Variants in TIGIT observed in about 807,000 individuals in gnomAD.
TIGIT encodes the protein T cell immunoreceptor with Ig and ITIM domains.
In TIGIT, 11 loss-of-function variants were observed where a neutral mutation model predicts 19.6. That is an observed-to-expected ratio of 0.56 (90% CI 0.35 to 0.93). The LOEUF is 0.93. Among genes scored for constraint, TIGIT ranks in the 40% least tolerant of loss-of-function variants. The pLI is 0.01. For missense variants in TIGIT, 295 were observed against 303.9 expected, an observed-to-expected ratio of 0.97 and a Z score of 0.22; for synonymous variants, 130 against 125.5, an observed-to-expected ratio of 1.04 and a Z score of -0.24.
chr3:114,309,467 A>T lies in TIGIT; in HGVS notation c.*1336A>T, dbSNP rs1444966733. The stretch of plus-strand genomic sequence containing the variant: ...TGTGAAGCAAGGTTGTGTCTTGCGC[A>T]TGGTTAAAAATAAAGCATTGTCCTG... On this transcript the variant is annotated 3_prime_UTR_variant, in exon 4 of 4. Transcript: ENST00000383671. The T allele has an allele frequency of 2.0e-5, 3 of 152,240 alleles. No individual in the cohort carries two copies. The East Asian group carries it at 5.8e-4, about 29-fold the overall frequency. 9.4% of individuals were successfully genotyped at this position (152,240 alleles called of 1,614,324 possible).
chr3:114,302,771 T>G (rs1485756473), intron 3 of TIGIT, among the ~76,000 whole-genome samples: 1 of 152,224 alleles, frequency 6.6e-6, no homozygotes, highest in Non-Finnish European at 1.5e-5. Flanking sequence ...GGGATATTCT[T>G]TTTCTTTTTC....
intron 3 of TIGIT, among the ~76,000 whole-genome samples, chr3:114,305,238 CATCT>C (rs1400709372): frequency 3.9e-5 from 6 of 152,312 alleles, no homozygotes; most frequent in East Asian, 1.9e-4. Context: ...AGTTTCCATC[CATCT>C]GTGTCCCATC....
At position 114,303,584 on chromosome 3, in the gene TIGIT, T is replaced by TACAC. The variant is rs1560033628; in HGVS notation, c.498+3882_498+3883insCACA. 1.3e-3 allele frequency among the ~76,000 whole-genome samples: 33 copies of TACAC among 25,440 alleles called. 1 individual carries two copies. The highest frequency in any genetic ancestry group is 3.9e-3 in the African/African-American group (32 of 8,264). 16.7% of individuals were successfully genotyped at this position (25,440 alleles called of 152,430 possible). A position where few individuals can be genotyped will look rare whatever the true frequency, so the allele number is the denominator to read the frequency against. On this transcript the variant is annotated intron_variant, in intron 3 of 3. Transcript: ENST00000383671. The stretch of plus-strand genomic sequence containing the variant: ...ATATACATATATATGTATATATATA[T>TACAC]ATACATATATATGTATATATATATA...
intron 3 of TIGIT, among the ~76,000 whole-genome samples, chr3:114,300,943 G>A (rs1023287707): frequency 2.0e-5 from 3 of 152,140 alleles, no homozygotes; most frequent in African/African-American, 7.2e-5. Context: ...ATGGCCTTTT[G>A]GGGGACACAT....
rs770552320 is a variant in TIGIT, at chr3:114,295,533, C to T, written c.62-12C>T. ...GACCCAGGACTCACATGTGCTTCGT[C>T]CTCTTCCCTAGGAATGATGACAGGC... On this transcript the variant is annotated splice_polypyrimidine_tract_variant and intron_variant, in intron 1 of 3. Transcript: ENST00000383671. 3 of 1,606,128 alleles carry T rather than the reference C, an allele frequency of 1.9e-6. No individual in the cohort carries two copies. The highest frequency in any genetic ancestry group is 2.2e-5 in the East Asian group (1 of 44,814).
chr3:114,294,776 C>T (rs2078442527), intron 1 of TIGIT, among the ~76,000 whole-genome samples: 1 of 152,144 alleles, frequency 6.6e-6, no homozygotes, highest in Non-Finnish European at 1.5e-5. Flanking sequence ...TGCTAAGCTT[C>T]CTTTGCTATT....
In TIGIT at chr3:114,308,698, G is replaced by A. The variant is rs2078551947; in HGVS notation, c.*567G>A. The A allele has an allele frequency of 6.5e-6, 1 of 152,764 alleles. No homozygotes were observed. Among genetic ancestry groups the A allele is most frequent in the South Asian group, 2.1e-4 (1 of 4,852 alleles). The allele number at this position is 152,764 out of a possible 1,614,324, so 9.5% of individuals were successfully genotyped here. On this transcript the variant is annotated 3_prime_UTR_variant, in exon 4 of 4. Transcript: ENST00000383671. Reference sequence around the variant, plus strand: ...TTGTCATGAAAAGGTATTATAGTAAGGAGAGAAGGAGACATACACAGGCCT... The same window carrying A: ...TTGTCATGAAAAGGTATTATAGTAAAGAGAGAAGGAGACATACACAGGCCT...
At chr3:114,299,739 C>T in intron 3 of TIGIT, 36 bp downstream of exon 3, 3 of 1,439,096 alleles carry the variant, frequency 2.1e-6, no homozygotes, top group South Asian at 1.1e-5. Context: ...GTCATGGGCA[C>T]CCCCACGTCT....
chr3:114,303,627 A>G (rs1576141671), intron 3 of TIGIT, among the ~76,000 whole-genome samples: 1 of 73,214 alleles, frequency 1.4e-5, no homozygotes, highest in African/African-American at 4.0e-5. Flanking sequence ...ATATGTATAT[A>G]TATACACACA....
chr3:114,299,740 C>T (rs767613673), intron 3 of TIGIT, 37 bp downstream of exon 3: 3 of 1,436,860 alleles, frequency 2.1e-6, no homozygotes, highest in Non-Finnish European at 2.9e-6. Context: ...TCATGGGCAC[C>T]CCCACGTCTG....
rs1391876417 is a variant in TIGIT at position 114,308,533 on chromosome 3, T to TC, written c.*403dup. ...GCAGAGCCATCCTCATCTCATTTTTTCACGTCATTTTCAGTAACTTTCACT... is the reference window on the plus strand; with the variant it reads ...GCAGAGCCATCCTCATCTCATTTTTTCCACGTCATTTTCAGTAACTTTCACT... On this transcript the variant is annotated 3_prime_UTR_variant, in exon 4 of 4. Coordinates refer to ENST00000383671, the MANE Select transcript of TIGIT (RefSeq NM_173799.4). 1.9e-5 allele frequency: 3 copies of TC among 156,762 alleles called. No homozygotes were observed. Among genetic ancestry groups the TC allele is most frequent in the African/African-American group, 7.2e-5 (3 of 41,474 alleles). 9.7% of individuals were successfully genotyped at this position (156,762 alleles called of 1,614,324 possible).
chr3:114,296,078 T>C (rs1047415480), intron 2 of TIGIT: 9 of 527,168 alleles, frequency 1.7e-5, no homozygotes, highest in Non-Finnish European at 3.0e-5. Flanking sequence ...GGGTAAGGTC[T>C]AAAAGCATTT....
chr3:114,299,383 G>A (rs1283268575), intron 2 of TIGIT, among the ~76,000 whole-genome samples: 1 of 152,146 alleles, frequency 6.6e-6, no homozygotes, highest in Admixed American at 6.5e-5. Flanking sequence ...AAATATACAA[G>A]GTACACCACT....
intron 3 of TIGIT, among the ~76,000 whole-genome samples, chr3:114,301,160 G>T (rs1185279910): frequency 1.3e-5 from 2 of 152,120 alleles, no homozygotes; most frequent in Non-Finnish European, 2.9e-5. Flanking sequence ...AGTCAGCTCA[G>T]CCCAGGTCAC....
At position 114,307,882 on chromosome 3, in the gene TIGIT, T is replaced by C; in HGVS notation, c.499-13T>C. Reference sequence around the variant, plus strand: ...ATCCCCACATACTCACTTTGTAGTTTGTTTGTTTTTAGAAGAAAGCCCTCA... The same window carrying C: ...ATCCCCACATACTCACTTTGTAGTTCGTTTGTTTTTAGAAGAAAGCCCTCA... On this transcript the variant is annotated splice_polypyrimidine_tract_variant and intron_variant, in intron 3 of 3. Coordinates refer to ENST00000383671, the MANE Select transcript of TIGIT (RefSeq NM_173799.4). The C allele has an allele frequency of 6.2e-7, 1 of 1,610,290 alleles. No homozygotes were observed. Among genetic ancestry groups the C allele is most frequent in the Non-Finnish European group, 8.5e-7 (1 of 1,176,604 alleles).
intron 3 of TIGIT, among the ~76,000 whole-genome samples, chr3:114,306,006 G>C (rs1224646832): frequency 1.3e-5 from 2 of 152,114 alleles, no homozygotes; most frequent in African/African-American, 2.4e-5. Context: ...GATGCTGGTA[G>C]CATGGCTCAG....
intron 3 of TIGIT, among the ~76,000 whole-genome samples, chr3:114,305,275 G>T (rs1369125164): frequency 6.6e-6 from 1 of 152,062 alleles, no homozygotes; most frequent in Non-Finnish European, 1.5e-5. Flanking sequence ...CAGTCATGGG[G>T]TTTGTGTTGC....
At chr3:114,299,730 T>C in intron 3 of TIGIT, 27 bp downstream of exon 3, 1 of 1,509,732 alleles carries the variant, frequency 6.6e-7, no homozygotes. Flanking sequence ...CACACCGCAG[T>C]CATGGGCACC....
At position 114,295,663 on chromosome 3, in the gene TIGIT, G is replaced by GCAGCAGGAC. The variant is rs1302513780; in HGVS notation, c.185_193dup (p.Gln62_Gln64dup). ...CACAAGTGACCCAGGTCAACTGGGAGCAGCAGGACCAGCTTCTGGCCATTT... is the reference window on the plus strand; with the variant it reads ...CACAAGTGACCCAGGTCAACTGGGAGCAGCAGGACCAGCAGGACCAGCTTCTGGCCATTT... On this transcript the variant is annotated inframe_insertion, in exon 2 of 4. Transcript: ENST00000383671. 23 of 1,614,126 alleles carry GCAGCAGGAC rather than the reference G, an allele frequency of 1.4e-5. No homozygotes were observed. Among genetic ancestry groups the GCAGCAGGAC allele is most frequent in the Non-Finnish European group, 1.9e-5 (23 of 1,180,052 alleles).
Sources: allele counts gnomAD v4.1 joint callset (sites outside exome capture counted in the v4.1 genomes callset), GRCh38; gene constraint gnomAD v4.1.1; transcripts MANE v1.5; gene names NCBI Gene and HGNC (gene_info 2026-07-23, HGNC 2026-07-21).